The following RTCB variants were observed in gnomAD, a reference collection of about 807,000 sequenced individuals.
RTCB encodes RNA 2',3'-cyclic phosphate and 5'-OH ligase.
RTCB carries 32 observed loss-of-function variants against 58.2 expected under a neutral mutation model. The observed-to-expected ratio is 0.55, with a 90% CI of 0.41 to 0.74. The LOEUF (loss-of-function observed/expected upper bound fraction) is 0.74. RTCB is among the 30% of genes least tolerant of loss of function. The pLI is 0.00. For missense variants in RTCB, 523 were observed against 639.0 expected, an observed-to-expected ratio of 0.82 and a Z score of 1.96; for synonymous variants, 247 against 218.6, an observed-to-expected ratio of 1.13 and a Z score of -1.15.
At chr22:32,398,298 G>A (rs1222629429) in intron 6 of RTCB, among the ~76,000 whole-genome samples, 198 bp from the exon 7 acceptor site, 2 of 152,090 alleles carry the variant, frequency 1.3e-5, no homozygotes, top group African/African-American at 4.8e-5. Context: ...ACTAGCTCCT[G>A]AATTTTGTTA....
intron 5 of RTCB, among the ~76,000 whole-genome samples, chr22:32,400,973 A>T (rs1005474264): frequency 1.3e-5 from 2 of 152,174 alleles, no homozygotes; most frequent in Admixed American, 1.3e-4. Flanking sequence ...ATCCAGTGCT[A>T]TCATTCAAAG....
intron 1 of RTCB, among the ~76,000 whole-genome samples, chr22:32,410,561 C>A (rs1933502612): frequency 6.6e-6 from 1 of 152,094 alleles, no homozygotes; most frequent in Admixed American, 6.5e-5. Flanking sequence ...GTGCTGTATA[C>A]AAACTTAAAC....
At position 32,387,884 on chromosome 22, in the gene RTCB, C is replaced by T. The variant is rs1038567790; in HGVS notation, c.*108G>A. ...ATTTTGGCGTGAGCAGTTACAGCTG[C>T]ACACTTTGCAACTTGTCCCGCCTTG... On this transcript the variant is annotated 3_prime_UTR_variant, in exon 12 of 12. Transcript: ENST00000216038. 1.5e-5 allele frequency: 11 copies of T among 732,328 alleles called. No homozygotes were observed. Among genetic ancestry groups the T allele is most frequent in the Admixed American group, 2.1e-5 (1 of 47,746 alleles). The allele number at this position is 732,328 out of a possible 1,614,324, so 45.4% of individuals were successfully genotyped here. A position where few individuals can be genotyped will look rare whatever the true frequency, so the allele number is the denominator to read the frequency against.
intron 10 of RTCB, among the ~76,000 whole-genome samples, chr22:32,392,884 C>G (rs1034884902): frequency 2.0e-5 from 3 of 152,180 alleles, no homozygotes; most frequent in Non-Finnish European, 4.4e-5. Context: ...AGAAAAGGGG[C>G]CGGCAAACTA....
chr22:32,410,138 A>T (rs2145899978), intron 1 of RTCB, among the ~76,000 whole-genome samples: 1 of 152,250 alleles, frequency 6.6e-6, no homozygotes, highest in Middle Eastern at 3.4e-3. Context: ...ATATTCTGAT[A>T]AGAATATCAG....
intron 1 of RTCB, among the ~76,000 whole-genome samples, chr22:32,411,438 C>T (rs1424362870): frequency 3.9e-5 from 6 of 152,280 alleles, no homozygotes; most frequent in South Asian, 2.1e-4. Context: ...GTAAACCGGA[C>T]ATCAAGTCCT....
rs1447393053 is a variant in RTCB at position 32,387,758 on chromosome 22, G to A, written c.*234C>T. The A allele has an allele frequency of 6.6e-6, 3 of 456,518 alleles. No individual in the cohort carries two copies. Among genetic ancestry groups the A allele is most frequent in the East Asian group, 7.6e-5 (2 of 26,292 alleles). The allele number at this position is 456,518 out of a possible 1,614,324, so 28.3% of individuals were successfully genotyped here. A position where few individuals can be genotyped will look rare whatever the true frequency, so the allele number is the denominator to read the frequency against. On this transcript the variant is annotated 3_prime_UTR_variant, in exon 12 of 12. Coordinates refer to ENST00000216038, the MANE Select transcript of RTCB (RefSeq NM_014306.5). ...TAAAACTCTGTGGAACAACCAAGGA[G>A]AAGGCATATTCCTCCCTTTCCAAAG...
At chr22:32,403,974 T>C (rs779544987) in intron 4 of RTCB, among the ~76,000 whole-genome samples, 2 of 152,230 alleles carry the variant, frequency 1.3e-5, no homozygotes, top group Non-Finnish European at 2.9e-5. Context: ...GCATATCCTC[T>C]AGTTTCATCC....
Position 32,387,825 on chromosome 22 carries a change from C to A in RTCB, c.*167G>T, listed in dbSNP as rs1202098585. The A allele has an allele frequency of 3.6e-6, 2 of 558,516 alleles. No homozygotes were observed. The highest frequency in any genetic ancestry group is 6.4e-6 in the Non-Finnish European group (2 of 310,118). The allele number at this position is 558,516 out of a possible 1,614,324, so 34.6% of individuals were successfully genotyped here. A position where few individuals can be genotyped will look rare whatever the true frequency, so the allele number is the denominator to read the frequency against. ...TTCCTGGAAGGTTATTTTACAAGCACGGGCCCCTGAAAGCAGCAGCCTCCC... is the reference window on the plus strand; with the variant it reads ...TTCCTGGAAGGTTATTTTACAAGCAAGGGCCCCTGAAAGCAGCAGCCTCCC... On this transcript the variant is annotated 3_prime_UTR_variant, in exon 12 of 12. Coordinates refer to ENST00000216038, the MANE Select transcript of RTCB (RefSeq NM_014306.5).
chr22:32,411,811 T>A (rs1295198498), intron 1 of RTCB, among the ~76,000 whole-genome samples: 3 of 152,120 alleles, frequency 2.0e-5, no homozygotes, highest in Non-Finnish European at 4.4e-5. Context: ...AACCCCAATT[T>A]CGTATTTATT....
chr22:32,404,635 G>C (rs992375825), intron 4 of RTCB, among the ~76,000 whole-genome samples: 1 of 152,068 alleles, frequency 6.6e-6, no homozygotes, highest in Non-Finnish European at 1.5e-5. Context: ...TCAAACTTCT[G>C]GTCTCATGTG....
At position 32,396,208 on chromosome 22, in the gene RTCB, T is replaced by A; in HGVS notation, c.856A>T (p.Ile286Phe). The A allele has an allele frequency of 6.2e-7, 1 of 1,614,214 alleles. No homozygotes were observed. Among genetic ancestry groups the A allele is most frequent in the East Asian group, 2.2e-5 (1 of 44,886 alleles). The change falls in exon 8 of 12, where the codon ATT (isoleucine) becomes TTT (phenylalanine). Residue 286 changes from isoleucine (I) to phenylalanine (F), a missense_variant. By Grantham distance (21) the Ile-to-Phe change is conservative. Transcript: ENST00000216038. ...AMEKAMKRDK[I>F]IVNDRQLACA... is the part of the protein sequence containing the mutation. ...GCCAACTGCCGATCATTGACTATAA[T>A]CTTGTCTCTCTTCATGGCCTTCTCC...
intron 9 of RTCB, 107 bp downstream of exon 9, chr22:32,394,919 G>C: frequency 1.1e-6 from 1 of 919,682 alleles, no homozygotes; most frequent in Non-Finnish European, 1.7e-6. Context: ...GAGTGACAGA[G>C]TATTTTCTTT....
chr22:32,392,845 C>T (rs1003426977), intron 10 of RTCB, among the ~76,000 whole-genome samples: 1 of 152,246 alleles, frequency 6.6e-6, no homozygotes, highest in African/African-American at 2.4e-5. Flanking sequence ...TTTCCCATTT[C>T]AACACTGGCT....
intron 5 of RTCB, 102 bp from the exon 6 acceptor site, chr22:32,399,861 AT>A (rs1266880793): frequency 1.5e-5 from 17 of 1,121,806 alleles, no homozygotes; most frequent in Middle Eastern, 2.9e-4. Flanking sequence ...GACATTTACT[AT>A]CTCCTGTGTT....
chr22:32,401,617 C>T, intron 5 of RTCB, 130 bp downstream of exon 5: 3 of 1,033,706 alleles, frequency 2.9e-6, no homozygotes, highest in Non-Finnish European at 2.8e-6. Context: ...CTTAAAAAAA[C>T]AGTTCTTACT....
Position 32,395,137 on chromosome 22 carries a change from G to C in RTCB, c.1068C>G (p.Ala356=). ...CGTCCACCACATGCTGCTCCACTTTGGCAATGTTGTGAGAAACATCATAGA... is the reference window on the plus strand; with the variant it reads ...CGTCCACCACATGCTGCTCCACTTTCGCAATGTTGTGAGAAACATCATAGA... ...HVIYDVSHNI[A]KVEQHVVDGK... is the part of the protein sequence containing the mutation. Residue 356 remains alanine, a synonymous_variant, in exon 9 of 12, where the codon GCC becomes GCG. Transcript: ENST00000216038. The C allele has an allele frequency of 6.2e-7, 1 of 1,614,170 alleles. No individual in the cohort carries two copies. The highest frequency in any genetic ancestry group is 1.1e-5 in the South Asian group (1 of 91,074).
Position 32,406,754 on chromosome 22 carries a change from A to G in RTCB, c.248T>C (p.Ile83Thr), listed in dbSNP as rs757083356. ...TCCTGAATGGACATCAGGAAGCCCA[A>G]TAGATCGCTGAAAAAGAATTAGAAA... ...AALPGIVHRS[I>T]GLPDVHSGYG... The change falls in exon 4 of 12, where the codon ATT becomes ACT. Residue 83 changes from isoleucine (I) to threonine (T), a missense_variant. Ile to Thr is a moderately conservative substitution (Grantham distance 89, BLOSUM62 -1). Around this residue, in one of 3 missense-constraint regions of RTCB, gnomAD observed 134 missense variants for 129.9 expected, o/e 1.03. Transcript: ENST00000216038. The G allele has an allele frequency of 1.2e-6, 2 of 1,609,538 alleles. No individual in the cohort carries two copies. The highest frequency in any genetic ancestry group is 1.1e-5 in the South Asian group (1 of 91,006).
At chr22:32,393,794 A>G (rs1038418375) in intron 10 of RTCB, 98 bp downstream of exon 10, 31 of 843,618 alleles carry the variant, frequency 3.7e-5, no homozygotes, top group Non-Finnish European at 6.2e-5. Flanking sequence ...CCAAGTCTCA[A>G]CTCTGTTAAT....
Sources: gnomAD v4.1 joint callset for allele counts (sites outside exome capture counted in the v4.1 genomes callset) on GRCh38, gnomAD v4.1.1 for gene constraint, gnomAD v4.1.1 regional missense constraint, MANE v1.5 for transcripts, NCBI Gene and HGNC (gene_info 2026-07-23, HGNC 2026-07-21) for gene names.